ARMC7: variants seen among roughly 807,000 people sequenced by gnomAD.
ARMC7 encodes armadillo repeat containing 7, also known as armadillo repeat-containing protein 7.
A neutral mutation model predicts 14.8 loss-of-function variants in ARMC7; 9 were observed. The ratio of observed to expected loss-of-function variants is 0.61; its 90% CI spans 0.37 to 1.06. The LOEUF is 1.06. Ranked by LOEUF, ARMC7 falls within the 50% of genes least tolerant of loss-of-function variation. The pLI is 0.01. For synonymous variants in ARMC7, 125 were observed against 123.4 expected (o/e 1.01, Z -0.09); for missense variants, 262 against 267.1 (o/e 0.98, Z 0.13).
At chr17:75,126,936 C>T (rs1323795828) in intron 2 of ARMC7, among the ~76,000 whole-genome samples, 1 of 151,944 alleles carries the variant, frequency 6.6e-6, no homozygotes, top group Non-Finnish European at 1.5e-5. Context: ...GTGGCACATG[C>T]CGGTTATCCC....
rs575179356 is a variant in ARMC7 at position 75,126,459 on chromosome 17, A to G, written c.236-2218A>G. On this transcript the variant is annotated intron_variant, in intron 2 of 2. Transcript: ENST00000245543. ...CATGGAAATAACATTAAAATGCTCT[A>G]TTCTCTTAATTACACTATATCTGTC... Among the ~76,000 whole-genome samples the G allele has an allele frequency of 1.4e-4, 21 of 152,274 alleles. No individual in the cohort carries two copies. The East Asian group carries it at 3.7e-3, about 27-fold the overall frequency.
chr17:75,121,707 C>A (rs1057185957), intron 2 of ARMC7, among the ~76,000 whole-genome samples: 1 of 152,174 alleles, frequency 6.6e-6, no homozygotes, highest in Non-Finnish European at 1.5e-5. Flanking sequence ...AGCCACTGCA[C>A]GCAGCAGCAG....
In ARMC7 at chr17:75,128,772, A is replaced by T. The variant is rs2074073546; in HGVS notation, c.331A>T (p.Asn111Tyr). 1 of 1,613,426 alleles carries T rather than the reference A, an allele frequency of 6.2e-7. No homozygotes were observed. ...CATCATCAACTGCCTATCCAGCCCC[A>T]ATGAGGAGACGGTGCTGTCTGCCAT... ...PLIINCLSSP[N>Y]EETVLSAITT... The change falls in exon 3 of 3, where the codon AAT becomes TAT. Residue 111 changes from asparagine to tyrosine, a missense_variant. Transcript: ENST00000245543.
rs79652007 is a variant in ARMC7, at chr17:75,110,027, A to C, written c.-262A>C. 0.027 allele frequency: 12,328 copies of C among 449,850 alleles called. 257 individuals carry two copies. Among genetic ancestry groups the C allele is most frequent in the African/African-American group, 0.073 (3,599 of 49,442 alleles). 27.9% of individuals were successfully genotyped at this position (449,850 alleles called of 1,614,324 possible). ...AGTGCCCCCTCCGCGAGCCCCAACC[A>C]GTAGACGGTTCCCTGTCTCCCGCGC... On this transcript the variant is annotated 5_prime_UTR_variant, in exon 1 of 3. Transcript: ENST00000245543.
intron 2 of ARMC7, among the ~76,000 whole-genome samples, chr17:75,112,783 T>C (rs62084979): frequency 0.05 from 7,597 of 151,072 alleles, 291 homozygotes; most frequent in Non-Finnish European, 0.073. Context: ...AGGATCTCAC[T>C]GTGTTGCCCA....
chr17:75,113,212 C>T (rs1219038002), intron 2 of ARMC7, among the ~76,000 whole-genome samples: 2 of 151,150 alleles, frequency 1.3e-5, no homozygotes, highest in African/African-American at 2.4e-5. Flanking sequence ...TTAGTAGAGA[C>T]GGGGTTTCAC....
chr17:75,111,457 A>G (rs2073921994), intron 2 of ARMC7, among the ~76,000 whole-genome samples: 1 of 151,586 alleles, frequency 6.6e-6, no homozygotes, highest in Non-Finnish European at 1.5e-5. Flanking sequence ...AAAAAAAGCA[A>G]TTTCAGGCGG....
rs561541072 is a variant in ARMC7, at chr17:75,111,466, G to A, written c.235+860G>A. ...CTCAAAAAAAAAAGCAATTTCAGGCGGGTGAGGTGGCTCACACCTTTAATC... is the reference window on the plus strand; with the variant it reads ...CTCAAAAAAAAAAGCAATTTCAGGCAGGTGAGGTGGCTCACACCTTTAATC... On this transcript the variant is annotated intron_variant, in intron 2 of 2. Coordinates refer to ENST00000245543, the MANE Select transcript of ARMC7 (RefSeq NM_024585.4). Among the ~76,000 whole-genome samples, 250 of 151,542 alleles carry A rather than the reference G, an allele frequency of 1.6e-3. 3 individuals carry two copies. The highest frequency in any genetic ancestry group is 3.1e-3 in the Non-Finnish European group (210 of 67,840).
chr17:75,120,813 C>CAAAA (rs145302822), intron 2 of ARMC7, among the ~76,000 whole-genome samples: 3 of 81,736 alleles, frequency 3.7e-5, no homozygotes, highest in Non-Finnish European at 5.6e-5. Context: ...GACTCGGTCT[C>CAAAA]AAAAAAAAAA....
chr17:75,112,573 CTTTTTTTT>C (rs549730217), intron 2 of ARMC7, among the ~76,000 whole-genome samples: 5 of 100,460 alleles, frequency 5.0e-5, no homozygotes, highest in East Asian at 2.5e-4. Flanking sequence ...TTCTCTTTTT[CTTTTTTTT>C]TTTTTTTTTT....
chr17:75,115,850 T>G (rs1022947871), intron 2 of ARMC7, among the ~76,000 whole-genome samples: 1 of 152,046 alleles, frequency 6.6e-6, no homozygotes, highest in African/African-American at 2.4e-5. Context: ...TTCACATCAG[T>G]TGAGAGAATT....
chr17:75,116,365 C>T (rs1417239401), intron 2 of ARMC7, among the ~76,000 whole-genome samples: 7 of 152,152 alleles, frequency 4.6e-5, no homozygotes, highest in South Asian at 2.1e-4. Flanking sequence ...TGGTGGCTGA[C>T]GCTTGTAATC....
chr17:75,128,355 G>A (rs2074067845), intron 2 of ARMC7, among the ~76,000 whole-genome samples: 1 of 152,064 alleles, frequency 6.6e-6, no homozygotes, highest in African/African-American at 2.4e-5. Flanking sequence ...TTACAGGCGT[G>A]AACCACCGTG....
chr17:75,120,591 G>T (rs1038822542), intron 2 of ARMC7, among the ~76,000 whole-genome samples: 14 of 152,020 alleles, frequency 9.2e-5, no homozygotes, highest in Non-Finnish European at 1.6e-4. Flanking sequence ...GAGGCGGGCG[G>T]ATCACGAGGT....
At chr17:75,114,542 G>A (rs1047258078) in intron 2 of ARMC7, 3 of 394,186 alleles carry the variant, frequency 7.6e-6, no homozygotes, top group East Asian at 7.2e-5. Context: ...GCTGAGTCCC[G>A]TCCCTTCTCC....
At chr17:75,122,887 G>A (rs1276334887) in intron 2 of ARMC7, among the ~76,000 whole-genome samples, 1 of 151,702 alleles carries the variant, frequency 6.6e-6, no homozygotes, top group Non-Finnish European at 1.5e-5. Flanking sequence ...GGCGTGGTGG[G>A]GGGGCAGGTT....
rs1238231664 is a variant in ARMC7 at position 75,110,057 on chromosome 17, A to G, written c.-232A>G. ...ACGGTTCCCTGTCTCCCGCGCCCCA[A>G]TTTCGATTTTCAAACGCAACTCCTA... is the stretch of plus-strand genomic sequence containing the variant. On this transcript the variant is annotated 5_prime_UTR_variant, in exon 1 of 3. Transcript: ENST00000245543. The G allele has an allele frequency of 2.0e-5, 10 of 508,200 alleles. No homozygotes were observed. Among genetic ancestry groups the G allele is most frequent in the Non-Finnish European group, 2.8e-5 (8 of 286,942 alleles). 31.5% of individuals were successfully genotyped at this position (508,200 alleles called of 1,614,324 possible).
In ARMC7 at chr17:75,110,601, C is replaced by T. The variant is rs1329756297; in HGVS notation, c.230C>T (p.Ala77Val). The T allele has an allele frequency of 4.3e-6, 7 of 1,614,168 alleles. No individual in the cohort carries two copies. The highest frequency in any genetic ancestry group is 5.1e-6 in the Non-Finnish European group (6 of 1,180,014). Reference protein sequence around the residue: ...SEENETLVEFAIGGLCNLCPD... With the variant: ...SEENETLVEFVIGGLCNLCPD... ...GAGAATGAGACCCTGGTGGAGTTTG[C>T]TATTGGTAAGGGCGGGGCCCGTTCC... The change falls in exon 2 of 3, where the codon GCT becomes GTT. Residue 77 changes from alanine to valine, a missense_variant. Coordinates refer to ENST00000245543, the MANE Select transcript of ARMC7 (RefSeq NM_024585.4).
intron 2 of ARMC7, 116 bp from the exon 3 acceptor site, chr17:75,128,561 C>T: frequency 2.1e-6 from 3 of 1,410,182 alleles, no homozygotes; most frequent in Non-Finnish European, 2.8e-6. Context: ...GCTTTGGATG[C>T]CTTGTGCTGG....
Sources: allele counts gnomAD v4.1 joint callset (sites outside exome capture counted in the v4.1 genomes callset), GRCh38; gene constraint gnomAD v4.1.1; transcripts MANE v1.5; gene names NCBI Gene and HGNC (gene_info 2026-07-23, HGNC 2026-07-21).